The following ADCK1 variants were observed in gnomAD, a reference collection of about 807,000 sequenced individuals.
The protein encoded by ADCK1 is aarF domain-containing protein kinase 1.
A neutral mutation model predicts 52.3 loss-of-function variants in ADCK1; 41 were observed. The ratio of observed to expected loss-of-function variants is 0.78; its 90% CI spans 0.61 to 1.02. The LOEUF (loss-of-function observed/expected upper bound fraction) is 1.02. ADCK1 is among the 50% of genes least tolerant of loss of function. The pLI is 0.00. For missense variants in ADCK1, 658 were observed against 679.5 expected (o/e 0.97, Z 0.35); for synonymous variants, 250 against 274.6 (o/e 0.91, Z 0.89).
intron 7 of ADCK1, among the ~76,000 whole-genome samples, chr14:77,916,600 G>A (rs551380349): frequency 6.6e-6 from 1 of 152,230 alleles, no homozygotes; most frequent in African/African-American, 2.4e-5. Context: ...GACTACAGGG[G>A]CACGCCACCG....
At chr14:77,849,049 C>T (rs1400322893) in intron 3 of ADCK1, among the ~76,000 whole-genome samples, 1 of 152,016 alleles carries the variant, frequency 6.6e-6, no homozygotes, top group Non-Finnish European at 1.5e-5. Context: ...AGGATGGTCT[C>T]CATCTCCTGA....
At chr14:77,840,284 A>C (rs2082039812) in intron 3 of ADCK1, among the ~76,000 whole-genome samples, 1 of 152,120 alleles carries the variant, frequency 6.6e-6, no homozygotes, top group Non-Finnish European at 1.5e-5. Context: ...GAGAAAATTA[A>C]GGTGTCAGCA....
At chr14:77,856,134 C>T (rs754362360) in intron 3 of ADCK1, among the ~76,000 whole-genome samples, 7 of 152,034 alleles carry the variant, frequency 4.6e-5, no homozygotes, top group Non-Finnish European at 5.9e-5. Context: ...CACTTGAACC[C>T]GGAAAGCAGA....
intron 3 of ADCK1, among the ~76,000 whole-genome samples, chr14:77,836,486 T>G (rs1266573996): frequency 1.3e-5 from 2 of 152,206 alleles, no homozygotes; most frequent in Non-Finnish European, 2.9e-5. Flanking sequence ...ATGGAGTGAC[T>G]TGTTCAAGCG....
chr14:77,881,979 A>G (rs2083034821), intron 4 of ADCK1, among the ~76,000 whole-genome samples: 1 of 152,180 alleles, frequency 6.6e-6, no homozygotes, highest in Non-Finnish European at 1.5e-5. Flanking sequence ...CAATGACAAG[A>G]TATAGGGGTA....
At chr14:77,847,485 G>T (rs1190430067) in intron 3 of ADCK1, among the ~76,000 whole-genome samples, 1 of 152,160 alleles carries the variant, frequency 6.6e-6, no homozygotes, top group Non-Finnish European at 1.5e-5. Flanking sequence ...CAAGAGAATT[G>T]CTTGAACCCA....
rs1273819347 is a variant in ADCK1, at chr14:77,819,132, G to C, written c.135+19G>C. 3 of 1,613,346 alleles carry C rather than the reference G, an allele frequency of 1.9e-6. No individual in the cohort carries two copies. Among genetic ancestry groups the C allele is most frequent in the Admixed American group, 1.7e-5 (1 of 59,876 alleles). ...TGCTACGGTAGGTTTTTCCCTTTTG[G>C]GGGTAGCAGAGAAGCTGCAGGATTA... On this transcript the variant is annotated intron_variant, in intron 2 of 10. Coordinates refer to ENST00000238561, the MANE Select transcript of ADCK1 (RefSeq NM_020421.4).
chr14:77,852,979 GCTCAGGCAACCCATCGTCCCCCTTGGC>G (rs973550671), intron 3 of ADCK1, among the ~76,000 whole-genome samples: 4 of 127,852 alleles, frequency 3.1e-5, no homozygotes, highest in African/African-American at 1.2e-4. Flanking sequence ...AAAATCTCTG[GCTCAGGCAACCCATCGTCCCCCTTGGC>G]CTCCCAAAGT....
intron 4 of ADCK1, among the ~76,000 whole-genome samples, chr14:77,864,479 C>G (rs553513230): frequency 6.6e-6 from 1 of 152,248 alleles, no homozygotes; most frequent in East Asian, 1.9e-4. Context: ...CACACAGCAC[C>G]TCTGTTGTCC....
chr14:77,850,614 C>T (rs1458347521), intron 3 of ADCK1, among the ~76,000 whole-genome samples: 1 of 147,628 alleles, frequency 6.8e-6, no homozygotes, highest in Non-Finnish European at 1.5e-5. Context: ...ATAGCTGTTT[C>T]AGCTTTCTTT....
At chr14:77,894,797 G>GGC (rs1317031576) in intron 5 of ADCK1, among the ~76,000 whole-genome samples, 1 of 107,682 alleles carries the variant, frequency 9.3e-6, no homozygotes, top group Non-Finnish European at 1.9e-5. Flanking sequence ...TTGCCGCCCA[G>GGC]GCTGGAGTAC....
chr14:77,859,386 C>A (rs2082495495), intron 4 of ADCK1, 107 bp downstream of exon 4: 1 of 1,158,122 alleles, frequency 8.6e-7, no homozygotes, highest in Non-Finnish European at 1.2e-6. Flanking sequence ...ACCAGTGACA[C>A]AAAACCAAAT....
chr14:77,836,293 G>A (rs545209209), intron 3 of ADCK1, among the ~76,000 whole-genome samples: 2 of 152,252 alleles, frequency 1.3e-5, no homozygotes, highest in African/African-American at 4.8e-5. Context: ...GTTTTGTTTT[G>A]TTTTTAAAAA....
intron 6 of ADCK1, among the ~76,000 whole-genome samples, chr14:77,903,796 A>AAACCC (rs1351871301): frequency 6.6e-6 from 1 of 152,222 alleles, no homozygotes; most frequent in Non-Finnish European, 1.5e-5. Flanking sequence ...GGAGATGTGC[A>AAACCC]TGCTTTTTGG....
chr14:77,827,310 C>T (rs1378815003), intron 3 of ADCK1, among the ~76,000 whole-genome samples: 2 of 147,050 alleles, frequency 1.4e-5, no homozygotes, highest in East Asian at 4.0e-4. Context: ...TGAGATTGGG[C>T]CACTGCACTC....
chr14:77,895,070 A>C (rs1223491517), intron 5 of ADCK1, among the ~76,000 whole-genome samples: 1 of 151,932 alleles, frequency 6.6e-6, no homozygotes, highest in Admixed American at 6.6e-5. Context: ...TAGTTTTCAA[A>C]CTTATGTGTG....
intron 1 of ADCK1, among the ~76,000 whole-genome samples, chr14:77,804,925 G>C (rs2081187329): frequency 6.6e-6 from 1 of 152,166 alleles, no homozygotes; most frequent in South Asian, 2.1e-4. Context: ...GCAAAGCCAA[G>C]GCTGGGCACG....
intron 1 of ADCK1, among the ~76,000 whole-genome samples, chr14:77,810,531 C>CT (rs1185694274): frequency 0.019 from 2,515 of 135,738 alleles, 81 homozygotes; most frequent in African/African-American, 0.061. Context: ...AGGCTGGGTT[C>CT]TTTTTTTTTT....
At chr14:77,917,218 C>T (rs2083945538) in intron 7 of ADCK1, among the ~76,000 whole-genome samples, 1 of 152,110 alleles carries the variant, frequency 6.6e-6, no homozygotes, top group African/African-American at 2.4e-5. Context: ...GAGTGAGACC[C>T]CGTATTTTTT....
Sources: gnomAD v4.1 joint callset for allele counts (sites outside exome capture counted in the v4.1 genomes callset) on GRCh38, gnomAD v4.1.1 for gene constraint, MANE v1.5 for transcripts, NCBI Gene and HGNC (gene_info 2026-07-23, HGNC 2026-07-21) for gene names.